The following GARIN2 variants were observed in gnomAD, a reference collection of about 807,000 sequenced individuals.
GARIN2 encodes the protein Golgi-associated RAB2 interactor protein 2.
At chr14:67,226,761 C>T in the GARIN2 span, among the ~76,000 whole-genome samples, 3 of 152,176 alleles carry the variant, frequency 2.0e-5, no homozygotes, top group Non-Finnish European at 4.4e-5. Context: ...CAAATGTCCA[C>T]ACTCCATAAT....
At chr14:67,205,160 G>T in the GARIN2 span, 1 of 1,408,222 alleles carries the variant, frequency 7.1e-7, no homozygotes, top group Admixed American at 2.6e-5. Context: ...CACACTTCTT[G>T]GTTAGCTGAC....
chr14:67,195,255 C>G, the GARIN2 span, among the ~76,000 whole-genome samples: 1 of 152,166 alleles, frequency 6.6e-6, no homozygotes, highest in East Asian at 1.9e-4. Context: ...GGAAGAGGGG[C>G]GAGACCCAGT....
chr14:67,224,475 T>C, the GARIN2 span, among the ~76,000 whole-genome samples: 3 of 152,188 alleles, frequency 2.0e-5, no homozygotes, highest in East Asian at 5.8e-4. Context: ...TTAGCCAGGA[T>C]GGTCTCAATC....
chr14:67,205,054 AAC>A, the GARIN2 span: 1 of 1,551,682 alleles, frequency 6.4e-7, no homozygotes, highest in African/African-American at 1.4e-5. Flanking sequence ...GGTGTTTGAA[AAC>A]AATGACTTAA....
chr14:67,199,605 C>A, the GARIN2 span: 3 of 1,591,224 alleles, frequency 1.9e-6, no homozygotes, highest in South Asian at 3.3e-5. Context: ...GAGAAGGACT[C>A]CAAGGGTGAG....
the GARIN2 span, chr14:67,200,156 G>T: frequency 1.7e-6 from 2 of 1,155,556 alleles, no homozygotes; most frequent in South Asian, 1.6e-5. Flanking sequence ...GGTCACCCAG[G>T]TCCTATGCCT....
At chr14:67,197,143 G>C in the GARIN2 span, 2 of 152,338 alleles carry the variant, frequency 1.3e-5, no homozygotes, top group African/African-American at 4.8e-5. Flanking sequence ...TGCCCAGGCT[G>C]TTCTCAAACT....
chr14:67,224,444 T>C, the GARIN2 span, among the ~76,000 whole-genome samples: 29 of 152,112 alleles, frequency 1.9e-4, no homozygotes, highest in East Asian at 3.9e-3. Flanking sequence ...GTATTTTTAG[T>C]AGAGATGGGG....
At chr14:67,199,763 C>T in the GARIN2 span, 2 of 1,539,728 alleles carry the variant, frequency 1.3e-6, no homozygotes, top group Non-Finnish European at 1.8e-6. Flanking sequence ...GCTTCCTCCA[C>T]CAGGCATGCC....
the GARIN2 span, among the ~76,000 whole-genome samples, chr14:67,198,776 T>G: frequency 1.3e-5 from 2 of 152,224 alleles, no homozygotes; most frequent in Non-Finnish European, 2.9e-5. Flanking sequence ...CCCTACATTA[T>G]GAATGAAACT....
the GARIN2 span, among the ~76,000 whole-genome samples, chr14:67,214,187 A>G: frequency 4.8e-3 from 727 of 152,208 alleles, 19 homozygotes; most frequent in Non-Finnish European, 1.1e-3. Flanking sequence ...CCATTTGTCA[A>G]TTTTGGCTTT....
the GARIN2 span, among the ~76,000 whole-genome samples, chr14:67,210,440 A>G: frequency 6.6e-6 from 1 of 152,096 alleles, no homozygotes; most frequent in Non-Finnish European, 1.5e-5. Flanking sequence ...AAAGAAGAAG[A>G]ACAAAGAAAA....
the GARIN2 span, chr14:67,198,446 A>C: frequency 1.1e-6 from 1 of 900,180 alleles, no homozygotes; most frequent in South Asian, 1.8e-5. Context: ...TACAAAAGAG[A>C]ACAGTTTGGG....
chr14:67,207,959 G>A, the GARIN2 span, among the ~76,000 whole-genome samples: 73 of 152,222 alleles, frequency 4.8e-4, no homozygotes, highest in Admixed American at 5.9e-4. Flanking sequence ...GTGACAACAC[G>A]AGCTGGGGAA....
the GARIN2 span, among the ~76,000 whole-genome samples, chr14:67,196,223 C>CTTTTTTTTTTTT: frequency 3.6e-4 from 52 of 143,114 alleles, no homozygotes; most frequent in Middle Eastern, 7.5e-3. Flanking sequence ...TTCTTTCTTT[C>CTTTTTTTTTTTT]TTTTTTTTTT....
the GARIN2 span, among the ~76,000 whole-genome samples, chr14:67,212,316 G>A: frequency 1.4e-4 from 22 of 151,962 alleles, no homozygotes; most frequent in Non-Finnish European, 2.8e-4. Flanking sequence ...GACAAAAAAT[G>A]TATCTTAGGG....
chr14:67,211,299 A>G, the GARIN2 span, among the ~76,000 whole-genome samples: 72 of 152,330 alleles, frequency 4.7e-4, no homozygotes, highest in African/African-American at 1.7e-3. Flanking sequence ...GATAGGTTCA[A>G]GCAAACTGAA....
chr14:67,199,754 CT>C, the GARIN2 span: 6 of 1,550,424 alleles, frequency 3.9e-6, no homozygotes, highest in Non-Finnish European at 5.3e-6. Flanking sequence ...GGGGTCTGGG[CT>C]TCCTCCACCA....
At chr14:67,202,253 C>A in the GARIN2 span, among the ~76,000 whole-genome samples, 1 of 152,176 alleles carries the variant, frequency 6.6e-6, no homozygotes, top group African/African-American at 2.4e-5. Context: ...CCAGCCCCAC[C>A]AACATGGTGA....
Sources: allele counts gnomAD v4.1 joint callset (sites outside exome capture counted in the v4.1 genomes callset), GRCh38; gene constraint gnomAD v4.1.1; transcripts MANE v1.5; gene names NCBI Gene and HGNC (gene_info 2026-07-23, HGNC 2026-07-21).